JAZF1: variants seen among roughly 807,000 people sequenced by gnomAD.
JAZF1 encodes juxtaposed with another zinc finger protein 1.
JAZF1 carries 8 observed loss-of-function variants against 26.4 expected under a neutral mutation model. The observed-to-expected ratio is 0.30, with a 90% CI of 0.18 to 0.55. The LOEUF is 0.55. JAZF1 is among the 20% of genes least tolerant of loss of function. JAZF1 has a pLI of 0.94. For synonymous variants in JAZF1, 126 were observed against 122.3 expected (o/e 1.03, Z -0.20); for missense variants, 199 against 322.0 (o/e 0.62, Z 2.92).
At chr7:27,928,337 T>C (rs1479917267) in intron 2 of JAZF1, among the ~76,000 whole-genome samples, 1 of 152,272 alleles carries the variant, frequency 6.6e-6, no homozygotes, top group Non-Finnish European at 1.5e-5. Flanking sequence ...TTCAGCTTTA[T>C]TATTCTTAAC....
chr7:28,029,985 T>C (rs545093662), intron 1 of JAZF1, among the ~76,000 whole-genome samples: 5 of 152,252 alleles, frequency 3.3e-5, no homozygotes, highest in African/African-American at 1.2e-4. Context: ...ATCTGAAAAA[T>C]AACAAGAGTT....
At chr7:27,934,487 C>T (rs1187542463) in intron 2 of JAZF1, among the ~76,000 whole-genome samples, 1 of 151,144 alleles carries the variant, frequency 6.6e-6, no homozygotes, top group African/African-American at 2.4e-5. Flanking sequence ...ACACACACAC[C>T]CCATATATAT....
chr7:28,077,828 T>C (rs368804196), intron 1 of JAZF1, among the ~76,000 whole-genome samples: 5 of 152,318 alleles, frequency 3.3e-5, no homozygotes, highest in African/African-American at 1.2e-4. Context: ...TGGGAGTCCA[T>C]GGGGAATTTC....
intron 1 of JAZF1, among the ~76,000 whole-genome samples, chr7:28,170,337 ATGTGTGTGTGTGTGTGTG>A (rs61200785): frequency 0.13 from 12,527 of 98,388 alleles, 524 homozygotes; most frequent in Non-Finnish European, 0.18. Flanking sequence ...AGAAGTTGAT[ATGTGTGTGTGTGTGTGTG>A]TGTGTGTGTG....
chr7:27,850,688 T>C (rs1196309649), intron 3 of JAZF1, among the ~76,000 whole-genome samples: 1 of 152,140 alleles, frequency 6.6e-6, no homozygotes, highest in African/African-American at 2.4e-5. Context: ...AAAAATTACG[T>C]TATTTCACTT....
chr7:28,006,683 C>T (rs1231486232), intron 1 of JAZF1, among the ~76,000 whole-genome samples: 3 of 152,174 alleles, frequency 2.0e-5, no homozygotes, highest in African/African-American at 7.2e-5. Flanking sequence ...GCCCAAATCA[C>T]AGGACCAGGA....
intron 2 of JAZF1, among the ~76,000 whole-genome samples, chr7:27,987,733 G>A (rs553992208): frequency 9.8e-5 from 15 of 152,380 alleles, no homozygotes; most frequent in South Asian, 4.1e-4. Flanking sequence ...TGACGATGGC[G>A]GTTTTGTTGA....
intron 1 of JAZF1, among the ~76,000 whole-genome samples, chr7:28,087,843 T>A (rs909209422): frequency 2.0e-5 from 3 of 152,226 alleles, no homozygotes; most frequent in African/African-American, 4.8e-5. Context: ...CCTTAATCAA[T>A]GAAAATGTCC....
intron 1 of JAZF1, among the ~76,000 whole-genome samples, chr7:28,072,372 CTATAGAATA>C (rs1395894683): frequency 2.6e-5 from 4 of 152,320 alleles, no homozygotes; most frequent in Admixed American, 2.6e-4. Context: ...CATAAGCCTA[CTATAGAATA>C]TAATCTGTTC....
chr7:28,040,303 C>T (rs1783367361), intron 1 of JAZF1, among the ~76,000 whole-genome samples: 1 of 152,190 alleles, frequency 6.6e-6, no homozygotes, highest in African/African-American at 2.4e-5. Context: ...CAGGCAGATA[C>T]TGCTCCAAGT....
chr7:28,035,789 A>G (rs945670533), intron 1 of JAZF1, among the ~76,000 whole-genome samples: 1 of 152,232 alleles, frequency 6.6e-6, no homozygotes, highest in Admixed American at 6.5e-5. Context: ...AACCCAGCAA[A>G]GCTTTCAACC....
chr7:27,874,018 T>C (rs1458076606), intron 3 of JAZF1, among the ~76,000 whole-genome samples: 1 of 152,264 alleles, frequency 6.6e-6, no homozygotes, highest in Non-Finnish European at 1.5e-5. Flanking sequence ...GCAGTCTTTC[T>C]CCTTGGTCAG....
chr7:28,010,503 T>TA, intron 1 of JAZF1, among the ~76,000 whole-genome samples: 1 of 152,164 alleles, frequency 6.6e-6, no homozygotes, highest in Non-Finnish European at 1.5e-5. Flanking sequence ...CCTAGAATGA[T>TA]ATGCCTTTGT....
chr7:27,897,821 G>T (rs1784097091), intron 2 of JAZF1, among the ~76,000 whole-genome samples: 7 of 152,196 alleles, frequency 4.6e-5, no homozygotes, highest in Admixed American at 4.6e-4. Flanking sequence ...TGCTGCAAGG[G>T]TGCCTGCAGA....
chr7:28,116,604 G>C (rs111982119), intron 1 of JAZF1, among the ~76,000 whole-genome samples: 6,084 of 147,706 alleles, frequency 0.041, 378 homozygotes, highest in African/African-American at 0.14. Flanking sequence ...CACTACGCCC[G>C]GCTAATTTTT....
intron 2 of JAZF1, among the ~76,000 whole-genome samples, chr7:27,971,445 A>G (rs983940109): frequency 6.6e-6 from 1 of 152,228 alleles, no homozygotes; most frequent in African/African-American, 2.4e-5. Context: ...CTGGGAACAC[A>G]GAGCTATTTT....
At chr7:27,839,166 G>A (rs73075367) in intron 4 of JAZF1, among the ~76,000 whole-genome samples, 8 of 152,374 alleles carry the variant, frequency 5.3e-5, no homozygotes, top group Non-Finnish European at 1.0e-4. Context: ...GGCGTAGCTT[G>A]TATTTCCTTT....
At chr7:27,886,289 C>T (rs1583447859) in intron 3 of JAZF1, among the ~76,000 whole-genome samples, 2 of 152,300 alleles carry the variant, frequency 1.3e-5, no homozygotes, top group African/African-American at 4.8e-5. Flanking sequence ...TGGATCGAGA[C>T]CCCTTTGGTG....
intron 1 of JAZF1, among the ~76,000 whole-genome samples, chr7:27,994,835 C>T (rs889336705): frequency 1.3e-5 from 2 of 152,146 alleles, no homozygotes; most frequent in Non-Finnish European, 2.9e-5. Context: ...CTGTTGAGCA[C>T]TTCACATTCA....
Sources: allele counts gnomAD v4.1 joint callset (sites outside exome capture counted in the v4.1 genomes callset), GRCh38; gene constraint gnomAD v4.1.1; transcripts MANE v1.5; gene names NCBI Gene and HGNC (gene_info 2026-07-23, HGNC 2026-07-21).